The following ESCO1 variants were observed in gnomAD, a reference collection of about 807,000 sequenced individuals.
ESCO1 encodes N-acetyltransferase ESCO1.
In ESCO1, 33 loss-of-function variants were observed where a neutral mutation model predicts 83.5. The observed-to-expected ratio is 0.40, with a 90% CI of 0.30 to 0.53. The LOEUF (loss-of-function observed/expected upper bound fraction) is 0.53, where lower values mean the gene tolerates loss of function less well. Among genes scored for constraint, ESCO1 ranks in the 20% least tolerant of loss-of-function variants. ESCO1 has a pLI of 0.63. For missense variants in ESCO1, 855 were observed against 968.0 expected, an observed-to-expected ratio of 0.88 and a Z score of 1.55; for synonymous variants, 332 against 324.3, an observed-to-expected ratio of 1.02 and a Z score of -0.25.
At chr18:21,559,207 A>G (rs1226754939) in intron 8 of ESCO1, among the ~76,000 whole-genome samples, 2 of 152,224 alleles carry the variant, frequency 1.3e-5, no homozygotes, top group Admixed American at 6.5e-5. Flanking sequence ...AGAATGGCCA[A>G]CTGCTAAACT....
chr18:21,600,457 T>C (rs186836943), intron 1 of ESCO1, among the ~76,000 whole-genome samples, 166 bp downstream of exon 1: 1 of 152,082 alleles, frequency 6.6e-6, no homozygotes, highest in African/African-American at 2.4e-5. Flanking sequence ...CCCACCTCCC[T>C]CCCAGGGGCG....
rs1402206066 is a variant in ESCO1, at chr18:21,564,283, T to C, written c.1741A>G (p.Asn581Asp). ...GGAATTGTTATCTCCAAATGGGAAT[T>C]ACACTTAGGCAAAGAATGATTTCGT... ...TPRNHSLPKC[N>D]SHLEITIPKD... The change falls in exon 7 of 12, where the codon AAT (asparagine) becomes GAT (aspartate). Residue 581 changes from asparagine to aspartate, a missense_variant. Physicochemically the swap from Asn to Asp is conservative, Grantham distance 23. Transcript: ENST00000269214. The C allele has an allele frequency of 6.2e-7, 1 of 1,612,050 alleles. No homozygotes were observed. Among genetic ancestry groups the C allele is most frequent in the Non-Finnish European group, 8.5e-7 (1 of 1,179,148 alleles).
chr18:21,535,429 C>T (rs576019390), intron 10 of ESCO1, among the ~76,000 whole-genome samples: 157 of 150,702 alleles, frequency 1.0e-3, no homozygotes, highest in Non-Finnish European at 2.1e-3. Context: ...GTCGCCCAGG[C>T]TGGAGTGCAG....
At chr18:21,561,059 G>A (rs2038179395) in intron 7 of ESCO1, 69 bp from the exon 8 acceptor site, 1 of 1,446,814 alleles carries the variant, frequency 6.9e-7, no homozygotes, top group Non-Finnish European at 9.2e-7. Context: ...CAGCCTCTAA[G>A]GCTATAGTGT....
intron 4 of ESCO1, among the ~76,000 whole-genome samples, chr18:21,569,575 G>A (rs8083016): frequency 1.5e-3 from 225 of 152,278 alleles, no homozygotes; most frequent in African/African-American, 5.2e-3. Flanking sequence ...GTGAAACCCC[G>A]TCTCTACTAA....
rs752506967 is a variant in ESCO1 at position 21,568,071 on chromosome 18, G to C, written c.1554C>G (p.Ser518=). Residue 518 remains serine, a synonymous_variant, in exon 5 of 12, where the codon TCC becomes TCG. Coordinates refer to ENST00000269214, the MANE Select transcript of ESCO1 (RefSeq NM_052911.3). ...TTTCCACTGGACTGTTTTCTAGCTT[G>C]GATTCCAAACATTGGCTGAAATTCT... ...SNKNFSQCLE[S]KLENSPVENV... is the part of the protein sequence containing the mutation. The C allele has an allele frequency of 5.6e-6, 9 of 1,613,240 alleles. No homozygotes were observed. The East Asian group carries it at 2.0e-4, about 36-fold the overall frequency.
At chr18:21,598,554 T>G (rs938915831) in intron 1 of ESCO1, among the ~76,000 whole-genome samples, 1 of 150,148 alleles carries the variant, frequency 6.7e-6, no homozygotes, top group Non-Finnish European at 1.5e-5. Context: ...ACAAAAAAAT[T>G]AGCCGGGCAT....
At chr18:21,553,175 A>G (rs2038066123) in intron 8 of ESCO1, among the ~76,000 whole-genome samples, 1 of 152,176 alleles carries the variant, frequency 6.6e-6, no homozygotes, top group Non-Finnish European at 1.5e-5. Flanking sequence ...CTGTGGTCCC[A>G]GCTACTAGGA....
intron 5 of ESCO1, among the ~76,000 whole-genome samples, chr18:21,566,808 T>C (rs1407964042): frequency 1.4e-5 from 2 of 146,892 alleles, no homozygotes; most frequent in East Asian, 4.0e-4. Context: ...GGCAGTGAGC[T>C]GAGATCGCGC....
intron 8 of ESCO1, 55 bp downstream of exon 8, chr18:21,560,804 G>A: frequency 1.3e-6 from 2 of 1,578,054 alleles, no homozygotes; most frequent in Admixed American, 2.0e-5. Flanking sequence ...ATCTCATTAA[G>A]AGACCGACCT....
At chr18:21,548,931 C>T (rs988701442) in intron 8 of ESCO1, among the ~76,000 whole-genome samples, 3 of 151,472 alleles carry the variant, frequency 2.0e-5, no homozygotes, top group Non-Finnish European at 4.4e-5. Context: ...GAGCAAGACC[C>T]TGTCTCTTAA....
At chr18:21,590,147 A>AT (rs1261197590) in intron 1 of ESCO1, among the ~76,000 whole-genome samples, 2 of 150,438 alleles carry the variant, frequency 1.3e-5, no homozygotes, top group Admixed American at 6.6e-5. Context: ...CATGTCAGTT[A>AT]TTTTCCCTTA....
chr18:21,574,489 T>C lies in ESCO1; in HGVS notation c.355A>G (p.Asn119Asp). The change falls in exon 4 of 12, where the codon AAC becomes GAC. Residue 119 changes from asparagine (N) to aspartate (D), a missense_variant. Asn to Asp is a conservative substitution (Grantham distance 23). Coordinates refer to ENST00000269214, the MANE Select transcript of ESCO1 (RefSeq NM_052911.3). Reference sequence around the variant, plus strand: ...TGTTGTAGCCTTTGTGATCTCCGGTTAAGCTGTTCATTTGCTTTAGGGTTT... The same window carrying C: ...TGTTGTAGCCTTTGTGATCTCCGGTCAAGCTGTTCATTTGCTTTAGGGTTT... ...HENPKANEQL[N>D]RRSQRLQQLT... is the part of the protein sequence containing the mutation. 1 of 1,614,182 alleles carries C rather than the reference T, an allele frequency of 6.2e-7. No individual in the cohort carries two copies. Among genetic ancestry groups the C allele is most frequent in the South Asian group, 1.1e-5 (1 of 91,080 alleles).
At chr18:21,544,931 A>G (rs2037953559) in intron 8 of ESCO1, among the ~76,000 whole-genome samples, 1 of 152,252 alleles carries the variant, frequency 6.6e-6, no homozygotes, top group Admixed American at 6.5e-5. Flanking sequence ...GAAGTGCAGT[A>G]AAGTAGTGAC....
chr18:21,596,584 G>C (rs1175284624), intron 1 of ESCO1, among the ~76,000 whole-genome samples: 4 of 152,108 alleles, frequency 2.6e-5, no homozygotes, highest in Admixed American at 2.6e-4. Context: ...TGTAATCCCA[G>C]CACTTTGGGA....
At chr18:21,549,911 G>A (rs1018135734) in intron 8 of ESCO1, among the ~76,000 whole-genome samples, 1 of 150,682 alleles carries the variant, frequency 6.6e-6, no homozygotes, top group Non-Finnish European at 1.5e-5. Flanking sequence ...AGGTGGCAGT[G>A]AGCCAAGATC....
At chr18:21,598,261 G>A (rs1419030992) in intron 1 of ESCO1, among the ~76,000 whole-genome samples, 4 of 152,154 alleles carry the variant, frequency 2.6e-5, no homozygotes, top group African/African-American at 9.7e-5. Flanking sequence ...AATACAATCA[G>A]CTCTGCATAA....
chr18:21,584,984 A>C (rs2038553750), intron 1 of ESCO1, among the ~76,000 whole-genome samples: 1 of 152,088 alleles, frequency 6.6e-6, no homozygotes. Context: ...TACTAAAAAA[A>C]TACAAAAATT....
Position 21,560,870 on chromosome 18 carries a change from C to T in ESCO1, c.1942G>A (p.Val648Ile). The T allele has an allele frequency of 6.2e-7, 1 of 1,603,950 alleles. No homozygotes were observed. The highest frequency in any genetic ancestry group is 8.5e-7 in the Non-Finnish European group (1 of 1,177,098). The change falls in exon 8 of 12, where the codon GTT becomes ATT. Residue 648 changes from valine (V) to isoleucine (I), a missense_variant. This residue lies in a region of ESCO1 where 129 missense variants were observed against 268.5 expected (regional missense o/e 0.48). Transcript: ENST00000269214. ...LLFHNQFISA[V>I]KYVGWKKERI... ...CAAATTCCACTTACCACATATTTAA[C>T]AGCACTTATAAACTGGTTGTGGAAA...
Sources: allele counts gnomAD v4.1 joint callset (sites outside exome capture counted in the v4.1 genomes callset), GRCh38; gene constraint gnomAD v4.1.1; regional missense constraint gnomAD v4.1.1; transcripts MANE v1.5; gene names NCBI Gene and HGNC (gene_info 2026-07-23, HGNC 2026-07-21).